The following DNAAF4 variants were observed in gnomAD, a reference collection of about 807,000 sequenced individuals.
The protein encoded by DNAAF4 is dynein axonemal assembly factor 4.
In DNAAF4, 43 loss-of-function variants were observed where a neutral mutation model predicts 51.8. That is an observed-to-expected ratio of 0.83 (90% confidence interval 0.65 to 1.07). The LOEUF is 1.07. Ranked by LOEUF, DNAAF4 falls within the 50% of genes least tolerant of loss-of-function variation. DNAAF4 has a pLI of 0.00. For synonymous variants in DNAAF4, 194 were observed against 165.6 expected (o/e 1.17, Z -1.32); for missense variants, 581 against 493.0 (o/e 1.18, Z -1.69).
chr15:55,432,268 G>A (rs775122156), intron 9 of DNAAF4, among the ~76,000 whole-genome samples: 21 of 152,008 alleles, frequency 1.4e-4, no homozygotes, highest in Non-Finnish European at 1.8e-4. Flanking sequence ...CATTTTTCTA[G>A]ACTGAAACTT....
chr15:55,482,201 T>C (rs1420244940), intron 4 of DNAAF4, among the ~76,000 whole-genome samples: 1 of 151,972 alleles, frequency 6.6e-6, no homozygotes, highest in East Asian at 1.9e-4. Context: ...AGACTTTCCA[T>C]CTGGCAACAA....
At chr15:55,433,506 G>A (rs1043869793) in intron 8 of DNAAF4, among the ~76,000 whole-genome samples, 1 of 150,016 alleles carries the variant, frequency 6.7e-6, no homozygotes, top group East Asian at 2.0e-4. Flanking sequence ...GGCGCCTTCA[G>A]TCCCAGCTAC....
intron 4 of DNAAF4, among the ~76,000 whole-genome samples, chr15:55,487,572 T>TTACAGCG (rs1567030934): frequency 6.6e-6 from 1 of 152,090 alleles, no homozygotes; most frequent in Non-Finnish European, 1.5e-5. Context: ...ACTCTTCGGG[T>TTACAGCG]CCGCGCCACC....
At chr15:55,429,347 C>T (rs2057463668), downstream of DNAAF4, among the ~76,000 whole-genome samples, 1 of 151,004 alleles carries the variant, frequency 6.6e-6, no homozygotes, top group Admixed American at 6.6e-5. Flanking sequence ...TGATGAAACC[C>T]TGTCTTTACT....
intron 7 of DNAAF4, among the ~76,000 whole-genome samples, chr15:55,439,213 G>A (rs573423673): frequency 4.2e-4 from 64 of 152,264 alleles, no homozygotes; most frequent in Admixed American, 9.2e-4. Context: ...GGATCCTCCC[G>A]CCGCAGCCTT....
At chr15:55,473,263 GTATATATGTGTATATATATGTGTA>G (rs1192115458) in intron 4 of DNAAF4, among the ~76,000 whole-genome samples, 1 of 107,170 alleles carries the variant, frequency 9.3e-6, no homozygotes, top group East Asian at 2.7e-4. Context: ...ATATATATGT[GTATATATGTGTATATATATGTGTA>G]TATATATGTG....
chr15:55,453,228 T>A (rs979550504), intron 5 of DNAAF4, among the ~76,000 whole-genome samples: 4 of 152,210 alleles, frequency 2.6e-5, no homozygotes, highest in African/African-American at 4.8e-5. Context: ...AAGCTCCAGG[T>A]ATTCCTCATC....
chr15:55,436,977 C>A (rs2057622907), intron 7 of DNAAF4, among the ~76,000 whole-genome samples: 1 of 152,118 alleles, frequency 6.6e-6, no homozygotes, highest in Non-Finnish European at 1.5e-5. Flanking sequence ...TGCGCCACCA[C>A]ACCCAGCTAA....
chr15:55,503,768 C>T (rs542390350), intron 1 of DNAAF4, among the ~76,000 whole-genome samples: 163 of 152,236 alleles, frequency 1.1e-3, no homozygotes, highest in African/African-American at 3.7e-3. Context: ...ATTGTTGGAA[C>T]GTATCTCAAA....
In DNAAF4 at chr15:55,430,793, G is replaced by C; in HGVS notation, c.1154-14C>G. 6.4e-7 allele frequency: 1 copy of C among 1,568,184 alleles called. No individual in the cohort carries two copies. Among genetic ancestry groups the C allele is most frequent in the Non-Finnish European group, 8.8e-7 (1 of 1,142,572 alleles). On this transcript the variant is annotated splice_polypyrimidine_tract_variant and intron_variant, in intron 9 of 9. Transcript: ENST00000321149. Reference sequence around the variant, plus strand: ...AATCCTGTAGGCCTGTGTTTATATAGCAATGATGATTAATACAATAAATAT... The same window carrying C: ...AATCCTGTAGGCCTGTGTTTATATACCAATGATGATTAATACAATAAATAT...
intron 4 of DNAAF4, among the ~76,000 whole-genome samples, chr15:55,477,660 GTATA>G (rs35040612): frequency 7.3e-5 from 11 of 150,622 alleles, no homozygotes; most frequent in African/African-American, 2.7e-4. Flanking sequence ...GTGTGTGTGT[GTATA>G]TATATATATA....
rs1386294163 is a variant in DNAAF4, at chr15:55,501,000, A to C, written c.-255-2416T>G. Among the ~76,000 whole-genome samples the C allele has an allele frequency of 1.3e-3, 187 of 143,648 alleles. 2 individuals carry two copies. The highest frequency in any genetic ancestry group is 5.3e-3 in the African/African-American group (181 of 34,138). The allele number at this position is 143,648 out of a possible 152,430, so 94.2% of individuals were successfully genotyped here. On this transcript the variant is annotated intron_variant, in intron 1 of 9. Transcript: ENST00000321149. Reference sequence around the variant, plus strand: ...AGAGTGAAACTGAGTCTCAAAAAAAAAAAAAAAAAAAAATGGAAACTTAAA... The same window carrying C: ...AGAGTGAAACTGAGTCTCAAAAAAACAAAAAAAAAAAAATGGAAACTTAAA...
chr15:55,436,571 G>A (rs1290207756), intron 7 of DNAAF4, among the ~76,000 whole-genome samples: 1 of 151,814 alleles, frequency 6.6e-6, no homozygotes, highest in African/African-American at 2.4e-5. Flanking sequence ...TTTTAGTAGA[G>A]ACAGGGTTTC....
In DNAAF4 at chr15:55,474,294, G is replaced by A. The variant is rs2058306495; in HGVS notation, c.406-7133C>T. 2.0e-5 allele frequency among the ~76,000 whole-genome samples: 3 copies of A among 152,260 alleles called. 1 individual carries two copies. The highest frequency in any genetic ancestry group is 2.0e-4 in the Admixed American group (3 of 15,282). On this transcript the variant is annotated intron_variant, in intron 4 of 9. Transcript: ENST00000321149. Reference sequence around the variant, plus strand: ...CTCACGCCTATAATCTCAACACTTTGGGAGGCCGAGGTGGGCAGATCATGA... The same window carrying A: ...CTCACGCCTATAATCTCAACACTTTAGGAGGCCGAGGTGGGCAGATCATGA...
chr15:55,418,934 T>TC (rs1225383846), intron 7 of DNAAF4, among the ~76,000 whole-genome samples: 1 of 4,820 alleles, frequency 2.1e-4, no homozygotes, highest in Non-Finnish European at 9.6e-3. Flanking sequence ...TTTTTTTTTT[T>TC]TTTTGAGTGA....
intron 5 of DNAAF4, among the ~76,000 whole-genome samples, chr15:55,460,340 C>T (rs902496257): frequency 1.4e-4 from 21 of 151,610 alleles, no homozygotes; most frequent in East Asian, 7.9e-4. Context: ...CCAGCACGCC[C>T]GGCTAATTTT....
At chr15:55,497,978 A>T (rs553735869) in intron 2 of DNAAF4, 119 bp from the exon 3 acceptor site, 1 of 1,390,472 alleles carries the variant, frequency 7.2e-7, no homozygotes, top group Admixed American at 2.5e-5. Flanking sequence ...TATGCCAGGT[A>T]GTGAAAGATT....
At position 55,494,087 on chromosome 15, in the gene DNAAF4, T is replaced by C. The variant is rs1179336755; in HGVS notation, c.272-2831A>G. On this transcript the variant is annotated intron_variant, in intron 3 of 9. Transcript: ENST00000321149. ...TCTTGTTGCCCAGGCTGAAGTGCAA[T>C]GGCACAATCTCGGCTCACCGCAACC... Among the ~76,000 whole-genome samples, 5 of 150,996 alleles carry C rather than the reference T, an allele frequency of 3.3e-5. No homozygotes were observed. The Admixed American group carries it at 3.3e-4, about 10-fold the overall frequency.
intron 1 of DNAAF4, among the ~76,000 whole-genome samples, chr15:55,507,346 C>A (rs1381083964): frequency 6.6e-6 from 1 of 152,178 alleles, no homozygotes; most frequent in Non-Finnish European, 1.5e-5. Context: ...GGCTACCCTA[C>A]CTTAAACATG....
Sources: gnomAD v4.1 joint callset for allele counts (sites outside exome capture counted in the v4.1 genomes callset) on GRCh38, gnomAD v4.1.1 for gene constraint, MANE v1.5 for transcripts, NCBI Gene and HGNC (gene_info 2026-07-23, HGNC 2026-07-21) for gene names.